The following SLC8A3 variants were observed in gnomAD, a reference collection of about 807,000 sequenced individuals.
SLC8A3 encodes solute carrier family 8 member A3.
In SLC8A3, 37 loss-of-function variants were observed where a neutral mutation model predicts 65.4. That is an observed-to-expected ratio of 0.57 (90% CI 0.44 to 0.74). SLC8A3 has a LOEUF of 0.74. Among genes scored for constraint, SLC8A3 ranks in the 30% least tolerant of loss-of-function variants. The pLI, the probability that SLC8A3 is intolerant of heterozygous loss-of-function variation, is 0.00. For synonymous variants in SLC8A3, 461 were observed against 444.5 expected, an observed-to-expected ratio of 1.04 and a Z score of -0.47; for missense variants, 1,112 against 1,172.1, an observed-to-expected ratio of 0.95 and a Z score of 0.75.
chr14:70,182,907 C>G (rs531690024), intron 1 of SLC8A3, among the ~76,000 whole-genome samples: 1 of 152,232 alleles, frequency 6.6e-6, no homozygotes, highest in African/African-American at 2.4e-5. Context: ...GGGCACTGTG[C>G]AGGAAATGAA....
intron 2 of SLC8A3, among the ~76,000 whole-genome samples, chr14:70,147,331 A>T (rs1183519212): frequency 6.6e-6 from 1 of 152,180 alleles, no homozygotes; most frequent in African/African-American, 2.4e-5. Context: ...AGGTAAGGAA[A>T]TTGAACCTTC....
In SLC8A3 at chr14:70,168,397, A is replaced by G; in HGVS notation, c.26T>C (p.Leu9Pro). 1 of 1,613,998 alleles carries G rather than the reference A, an allele frequency of 6.2e-7. No homozygotes were observed. The highest frequency in any genetic ancestry group is 8.5e-7 in the Non-Finnish European group (1 of 1,179,944). The change falls in exon 2 of 7, where the codon CTC becomes CCC. Residue 9 changes from leucine (L) to proline (P), a missense_variant. Transcript: ENST00000356921. Reference sequence around the variant, plus strand: ...CCCAAAATGGAGGAAGGCAGAGGTGAGAGGCTGCAACCTTAACCACGCCAT... The same window carrying G: ...CCCAAAATGGAGGAAGGCAGAGGTGGGAGGCTGCAACCTTAACCACGCCAT... MAWLRLQPLTSAFLHFGLV... is the reference protein window; with the variant it reads MAWLRLQPPTSAFLHFGLV...
intron 1 of SLC8A3, among the ~76,000 whole-genome samples, chr14:70,178,958 C>A (rs966235975): frequency 2.0e-5 from 3 of 152,158 alleles, no homozygotes; most frequent in East Asian, 1.9e-4. Flanking sequence ...CACCCCACCC[C>A]CTACTGACTT....
chr14:70,151,307 T>C (rs1896262324), intron 2 of SLC8A3, among the ~76,000 whole-genome samples: 1 of 150,906 alleles, frequency 6.6e-6, no homozygotes, highest in African/African-American at 2.4e-5. Context: ...CTATGGAGAT[T>C]GGAAGATAGA....
At chr14:70,051,163 G>A (rs1363267985) in intron 4 of SLC8A3, 56 bp from the exon 5 acceptor site, 1 of 1,186,494 alleles carries the variant, frequency 8.4e-7, no homozygotes, top group South Asian at 1.2e-5. Flanking sequence ...GAACCAATGA[G>A]GAGTCTGGTT....
intron 2 of SLC8A3, among the ~76,000 whole-genome samples, chr14:70,153,222 C>CTCAT (rs1383133127): frequency 4.6e-5 from 7 of 152,048 alleles, no homozygotes; most frequent in South Asian, 2.1e-4. Flanking sequence ...CAGGAATTCA[C>CTCAT]TCATTCATTC....
intron 2 of SLC8A3, among the ~76,000 whole-genome samples, chr14:70,152,472 C>A (rs1896329344): frequency 6.6e-6 from 1 of 150,616 alleles, no homozygotes; most frequent in Non-Finnish European, 1.5e-5. Flanking sequence ...CCCCACAAGA[C>A]AACATAGAAA....
At chr14:70,106,252 C>T (rs536693341) in intron 2 of SLC8A3, among the ~76,000 whole-genome samples, 5 of 152,186 alleles carry the variant, frequency 3.3e-5, no homozygotes, top group South Asian at 2.1e-4. Context: ...AGAAAAAAGA[C>T]GCATGTGCCT....
In SLC8A3 at chr14:70,079,991, G is replaced by C. The variant is rs1297946723; in HGVS notation, c.1785-19052C>G. 9 of 635,302 alleles carry C rather than the reference G, an allele frequency of 1.4e-5. No homozygotes were observed. In the Admixed American group the frequency reaches 5.7e-4, roughly 40 times the overall value. The allele number at this position is 635,302 out of a possible 1,614,324, so 39.4% of individuals were successfully genotyped here. A position where few individuals can be genotyped will look rare whatever the true frequency, so the allele number is the denominator to read the frequency against. On this transcript the variant is annotated intron_variant, in intron 2 of 6. Transcript: ENST00000356921. ...TCTTTGAGCTTCCGTTTCTTCAGCA[G>C]TTACCTGGAGATGATAACATTCACA...
chr14:70,176,841 G>A (rs929143792), intron 1 of SLC8A3, among the ~76,000 whole-genome samples: 3 of 152,198 alleles, frequency 2.0e-5, no homozygotes, highest in African/African-American at 7.2e-5. Flanking sequence ...GTAGGAAAAT[G>A]ATGCTATTCG....
intron 2 of SLC8A3, among the ~76,000 whole-genome samples, chr14:70,118,727 T>A (rs1893832579): frequency 6.6e-6 from 1 of 152,222 alleles, no homozygotes; most frequent in South Asian, 2.1e-4. Flanking sequence ...AAGCATCTCC[T>A]GTTTCCAAGT....
At chr14:70,080,466 A>C (rs1207924846) in intron 2 of SLC8A3, among the ~76,000 whole-genome samples, 1 of 152,094 alleles carries the variant, frequency 6.6e-6, no homozygotes, top group Non-Finnish European at 1.5e-5. Flanking sequence ...GATAAAGAGG[A>C]CTGACTGTTG....
chr14:70,045,896 T>C lies in SLC8A3; in HGVS notation c.*51A>G. ...GAGATCACTGGTGGGGAAGTGCCCT[T>C]CTCTTAGGAGAAGTCCTAGGCCTGC... On this transcript the variant is annotated 3_prime_UTR_variant, in exon 7 of 7. Transcript: ENST00000356921. 2 of 1,494,506 alleles carry C rather than the reference T, an allele frequency of 1.3e-6. No homozygotes were observed. Among genetic ancestry groups the C allele is most frequent in the South Asian group, 1.4e-5 (1 of 73,982 alleles). 92.6% of individuals were successfully genotyped at this position (1,494,506 alleles called of 1,614,324 possible).
intron 2 of SLC8A3, among the ~76,000 whole-genome samples, chr14:70,148,265 G>A (rs1048265812): frequency 1.3e-5 from 2 of 152,094 alleles, no homozygotes; most frequent in Admixed American, 6.5e-5. Flanking sequence ...ATACATTTTT[G>A]ACTTATGGTA....
intron 2 of SLC8A3, among the ~76,000 whole-genome samples, chr14:70,131,653 A>T (rs1894836123): frequency 6.6e-6 from 1 of 152,242 alleles, no homozygotes; most frequent in African/African-American, 2.4e-5. Flanking sequence ...GTTGAAACTG[A>T]GAGAAACTGT....
At chr14:70,074,908 G>T (rs1890342325) in intron 2 of SLC8A3, among the ~76,000 whole-genome samples, 1 of 152,138 alleles carries the variant, frequency 6.6e-6, no homozygotes, top group Admixed American at 6.5e-5. Flanking sequence ...CGACTCTAGT[G>T]GTCCTCTGAT....
At chr14:70,181,208 T>G (rs1169312001) in intron 1 of SLC8A3, among the ~76,000 whole-genome samples, 2 of 152,172 alleles carry the variant, frequency 1.3e-5, no homozygotes, top group South Asian at 4.1e-4. Context: ...ACATAACCTT[T>G]TATCACCAAT....
intron 2 of SLC8A3, among the ~76,000 whole-genome samples, chr14:70,103,428 A>G (rs912556791): frequency 6.6e-6 from 1 of 152,114 alleles, no homozygotes; most frequent in East Asian, 1.9e-4. Flanking sequence ...TTTAATTCAC[A>G]CAAGGATTTG....
In SLC8A3 at chr14:70,167,025, C is replaced by T. The variant is rs950254364; in HGVS notation, c.1398G>A (p.Val466=). The T allele has an allele frequency of 2.5e-6, 4 of 1,613,850 alleles. No homozygotes were observed. Among genetic ancestry groups the T allele is most frequent in the African/African-American group, 2.7e-5 (2 of 74,928 alleles). Residue 466 remains valine (V), a synonymous_variant, in exon 2 of 7, where the codon GTG becomes GTA. Transcript: ENST00000356921. ...KPGETQKEFS[V]GIIDDDIFEE... ...CAAAAATGTCGTCATCAATTATGCC[C>T]ACGGAGAACTCCTTCTGGGTCTCTC...
Sources: allele counts gnomAD v4.1 joint callset (sites outside exome capture counted in the v4.1 genomes callset), GRCh38; gene constraint gnomAD v4.1.1; transcripts MANE v1.5; gene names NCBI Gene and HGNC (gene_info 2026-07-23, HGNC 2026-07-21).